Variants in MAN1A1 observed in about 807,000 individuals in gnomAD.
The protein encoded by MAN1A1 is mannosyl-oligosaccharide 1,2-alpha-mannosidase IA.
MAN1A1 carries 29 observed loss-of-function variants against 70.8 expected under a neutral mutation model. The ratio of observed to expected loss-of-function variants is 0.41; its 90% CI spans 0.31 to 0.56. The LOEUF (loss-of-function observed/expected upper bound fraction) is 0.56. MAN1A1 is among the 20% of genes least tolerant of loss of function. The probability of loss-of-function intolerance (pLI) is 0.29; values close to 1 mark genes in which losing one functional copy is unlikely to be tolerated. For missense variants in MAN1A1, 747 were observed against 841.3 expected (o/e 0.89, Z 1.39); for synonymous variants, 349 against 330.1 (o/e 1.06, Z -0.62).
chr6:119,338,395 C>A (rs963767040), intron 2 of MAN1A1, among the ~76,000 whole-genome samples: 28 of 152,094 alleles, frequency 1.8e-4, no homozygotes, highest in African/African-American at 6.5e-4. Flanking sequence ...AATAAAATAT[C>A]TTTGACAAAA....
At chr6:119,328,426 A>T (rs1173311286) in intron 2 of MAN1A1, among the ~76,000 whole-genome samples, 1 of 152,224 alleles carries the variant, frequency 6.6e-6, no homozygotes, top group Non-Finnish European at 1.5e-5. Flanking sequence ...GTATATCTTC[A>T]CAGGGTTGGA....
chr6:119,232,228 C>G (rs1015217255), intron 6 of MAN1A1, among the ~76,000 whole-genome samples: 5 of 151,908 alleles, frequency 3.3e-5, no homozygotes, highest in African/African-American at 1.2e-4. Flanking sequence ...AAAAAATTAG[C>G]CGGGCGTGGT....
intron 8 of MAN1A1, among the ~76,000 whole-genome samples, chr6:119,198,951 C>G (rs553143452): frequency 6.6e-6 from 1 of 152,112 alleles, no homozygotes; most frequent in Non-Finnish European, 1.5e-5. Flanking sequence ...TTAGAAATTA[C>G]ATCAATGAAT....
intron 8 of MAN1A1, among the ~76,000 whole-genome samples, chr6:119,195,530 T>C (rs1161940836): frequency 2.0e-5 from 3 of 152,138 alleles, no homozygotes; most frequent in Non-Finnish European, 4.4e-5. Context: ...GTCACACACT[T>C]TTTGGTAGCA....
chr6:119,348,206 T>G (rs2114518964), intron 2 of MAN1A1, among the ~76,000 whole-genome samples: 1 of 152,334 alleles, frequency 6.6e-6, no homozygotes, highest in African/African-American at 2.4e-5. Flanking sequence ...TATACCCACC[T>G]CGTGTGGCTT....
chr6:119,305,586 A>G (rs1013806503), intron 3 of MAN1A1, among the ~76,000 whole-genome samples: 1 of 152,158 alleles, frequency 6.6e-6, no homozygotes, highest in Non-Finnish European at 1.5e-5. Context: ...TCACTCTGAT[A>G]GACCAACAGT....
At chr6:119,341,711 C>A (rs1241723465) in intron 2 of MAN1A1, among the ~76,000 whole-genome samples, 2 of 152,112 alleles carry the variant, frequency 1.3e-5, no homozygotes, top group Non-Finnish European at 2.9e-5. Context: ...TTTTGCCAAG[C>A]CTAAAATAAT....
At chr6:119,277,797 C>T (rs1040225670) in intron 5 of MAN1A1, among the ~76,000 whole-genome samples, 3 of 151,376 alleles carry the variant, frequency 2.0e-5, no homozygotes, top group African/African-American at 4.9e-5. Context: ...ATTAGCCGGG[C>T]GTGGTGGCGG....
intron 6 of MAN1A1, among the ~76,000 whole-genome samples, chr6:119,234,612 G>T (rs1338232308): frequency 4.6e-5 from 7 of 152,002 alleles, no homozygotes; most frequent in Admixed American, 2.0e-4. Context: ...ACGAGGTCTT[G>T]CTTTGTTGCC....
intron 2 of MAN1A1, among the ~76,000 whole-genome samples, chr6:119,335,149 T>A (rs575925912): frequency 2.8e-4 from 43 of 152,352 alleles, no homozygotes; most frequent in Middle Eastern, 6.8e-3. Context: ...AAATAGAAGC[T>A]ATTGGTCAAT....
intron 6 of MAN1A1, among the ~76,000 whole-genome samples, chr6:119,239,016 G>C (rs892388573): frequency 2.6e-5 from 4 of 152,080 alleles, no homozygotes; most frequent in Non-Finnish European, 4.4e-5. Flanking sequence ...TCAGCCTGCA[G>C]AGTAGCTGGG....
chr6:119,319,154 A>T (rs1375728254), intron 2 of MAN1A1, among the ~76,000 whole-genome samples: 1 of 152,108 alleles, frequency 6.6e-6, no homozygotes, highest in Admixed American at 6.5e-5. Flanking sequence ...TATGTGATAC[A>T]GTACCATCTT....
intron 8 of MAN1A1, among the ~76,000 whole-genome samples, chr6:119,196,088 C>A (rs551760875): frequency 1.3e-4 from 20 of 152,232 alleles, no homozygotes; most frequent in Non-Finnish European, 1.8e-4. Context: ...GGCCAGGATC[C>A]AGACGTGTCA....
intron 5 of MAN1A1, among the ~76,000 whole-genome samples, chr6:119,283,092 GGAT>G (rs1776264388): frequency 6.6e-6 from 1 of 152,174 alleles, no homozygotes; most frequent in African/African-American, 2.4e-5. Flanking sequence ...CAGATAAAAA[GGAT>G]GATGTTTTGC....
At chr6:119,346,594 C>T (rs918012129) in intron 2 of MAN1A1, among the ~76,000 whole-genome samples, 6 of 152,204 alleles carry the variant, frequency 3.9e-5, no homozygotes, top group African/African-American at 1.4e-4. Flanking sequence ...TTTAGGCATA[C>T]AGACAACATG....
At chr6:119,225,038 A>G (rs551995564) in intron 6 of MAN1A1, among the ~76,000 whole-genome samples, 5 of 152,082 alleles carry the variant, frequency 3.3e-5, no homozygotes, top group Non-Finnish European at 7.4e-5. Context: ...GAGGCAGGAG[A>G]ACTGCTTGAA....
chr6:119,259,444 G>T (rs575713452), intron 5 of MAN1A1, among the ~76,000 whole-genome samples: 3 of 152,150 alleles, frequency 2.0e-5, no homozygotes, highest in East Asian at 3.9e-4. Flanking sequence ...ATGTATACAG[G>T]TTTTGTTTCT....
intron 4 of MAN1A1, among the ~76,000 whole-genome samples, chr6:119,294,288 T>C (rs1772136646): frequency 6.6e-6 from 1 of 152,074 alleles, no homozygotes; most frequent in African/African-American, 2.4e-5. Flanking sequence ...TTCCATTAAA[T>C]AATAAATTTA....
At chr6:119,288,896 G>A (rs7750941) in intron 5 of MAN1A1, among the ~76,000 whole-genome samples, 57,259 of 151,420 alleles carry the variant, frequency 0.38, 11,304 homozygotes, top group Non-Finnish European at 0.41. Context: ...ACATGTTTGT[G>A]TAGTGATAAT....
Sources: gnomAD v4.1 joint callset for allele counts (sites outside exome capture counted in the v4.1 genomes callset) on GRCh38, gnomAD v4.1.1 for gene constraint, MANE v1.5 for transcripts, NCBI Gene and HGNC (gene_info 2026-07-23, HGNC 2026-07-21) for gene names.